The following ITGB6 variants were observed in gnomAD, a reference collection of about 807,000 sequenced individuals.
ITGB6 encodes the protein integrin subunit beta 6, also known as integrin beta-6.
In ITGB6, 80 loss-of-function variants were observed where a neutral mutation model predicts 84.5. The ratio of observed to expected loss-of-function variants is 0.95; its 90% CI spans 0.79 to 1.14. ITGB6 has a LOEUF of 1.14. ITGB6 is among the 50% of genes most tolerant of loss of function. ITGB6 has a pLI of 0.00. For missense variants in ITGB6, 1,006 were observed against 968.0 expected, an observed-to-expected ratio of 1.04 and a Z score of -0.52; for synonymous variants, 383 against 354.9, an observed-to-expected ratio of 1.08 and a Z score of -0.89.
chr2:160,191,626 A>G (rs55689933), intron 4 of ITGB6, among the ~76,000 whole-genome samples: 2,606 of 152,338 alleles, frequency 0.017, 38 homozygotes, highest in East Asian at 0.033. Flanking sequence ...GATTGTCCTC[A>G]CCTACTACAT....
chr2:160,199,266 TAGACCC>T lies in ITGB6; in HGVS notation c.62-14_62-9del. ...CTCCCAGGGCACAGCCACCTAGGTT[TAGACCC>T]AGCAAGATGCAGGGATTAAGTACAC... On this transcript the variant is annotated splice_polypyrimidine_tract_variant and intron_variant, in intron 1 of 14. Transcript: ENST00000283249. 6.2e-7 allele frequency: 1 copy of T among 1,612,042 alleles called. No homozygotes were observed. The highest frequency in any genetic ancestry group is 8.5e-7 in the Non-Finnish European group (1 of 1,178,158).
intron 3 of ITGB6, among the ~76,000 whole-genome samples, chr2:160,195,821 T>A (rs1345418784): frequency 6.6e-6 from 1 of 152,232 alleles, no homozygotes; most frequent in East Asian, 1.9e-4. Flanking sequence ...GGAGGATAAG[T>A]TAGGATATTT....
intron 13 of ITGB6, among the ~76,000 whole-genome samples, chr2:160,111,058 A>C (rs532365915): frequency 6.6e-6 from 1 of 151,936 alleles, no homozygotes; most frequent in South Asian, 2.1e-4. Flanking sequence ...TTGTGGTGCC[A>C]CTCTTATTGT....
At chr2:160,185,621 A>C (rs1307487325) in intron 4 of ITGB6, among the ~76,000 whole-genome samples, 3 of 152,260 alleles carry the variant, frequency 2.0e-5, no homozygotes, top group Non-Finnish European at 4.4e-5. Flanking sequence ...AGAAAAAACT[A>C]CTTTAAATTT....
chr2:160,114,305 C>T (rs1024002445), intron 12 of ITGB6, among the ~76,000 whole-genome samples: 1 of 152,160 alleles, frequency 6.6e-6, no homozygotes, highest in Non-Finnish European at 1.5e-5. Context: ...TTGCATAATT[C>T]GCTGCATAAT....
chr2:160,186,614 C>A (rs189908597), intron 4 of ITGB6, among the ~76,000 whole-genome samples: 1 of 152,034 alleles, frequency 6.6e-6, no homozygotes, highest in East Asian at 1.9e-4. Flanking sequence ...CCCGTTACTG[C>A]GTATATACCC....
intron 5 of ITGB6, 146 bp downstream of exon 5, chr2:160,173,828 T>C: frequency 1.5e-6 from 1 of 676,190 alleles, no homozygotes; most frequent in East Asian, 3.2e-5. Context: ...AAACATTTGG[T>C]AAAAATTGTG....
chr2:160,143,572 T>C (rs2105827027), intron 7 of ITGB6, among the ~76,000 whole-genome samples: 1 of 152,340 alleles, frequency 6.6e-6, no homozygotes, highest in South Asian at 2.1e-4. Flanking sequence ...TGTGGTCTTC[T>C]GAGTTGCTGT....
In ITGB6 at chr2:160,101,381, A is replaced by G. The variant is rs1158997779; in HGVS notation, c.*355T>C. The G allele has an allele frequency of 2.4e-5, 6 of 254,496 alleles. No homozygotes were observed. The highest frequency in any genetic ancestry group is 2.3e-4 in the Admixed American group (4 of 17,540). The allele number at this position is 254,496 out of a possible 1,614,324, so 15.8% of individuals were successfully genotyped here. A position where few individuals can be genotyped will look rare whatever the true frequency, so the allele number is the denominator to read the frequency against. Reference sequence around the variant, plus strand: ...ATATGGGCTTTGTGACTTTGCCGAGACAAAAAACTCAGGTAGCTGCATTCC... The same window carrying G: ...ATATGGGCTTTGTGACTTTGCCGAGGCAAAAAACTCAGGTAGCTGCATTCC... On this transcript the variant is annotated 3_prime_UTR_variant, in exon 15 of 15. Coordinates refer to ENST00000283249, the MANE Select transcript of ITGB6 (RefSeq NM_000888.5).
At chr2:160,113,976 G>A (rs1201006379) in intron 12 of ITGB6, among the ~76,000 whole-genome samples, 1 of 151,982 alleles carries the variant, frequency 6.6e-6, no homozygotes, top group African/African-American at 2.4e-5. Flanking sequence ...CACTCTGCTC[G>A]CCTTGAACAT....
chr2:160,179,707 T>C (rs1480994120), intron 4 of ITGB6, among the ~76,000 whole-genome samples: 1 of 151,876 alleles, frequency 6.6e-6, no homozygotes, highest in African/African-American at 2.4e-5. Context: ...CAGCATTTCA[T>C]GCTTAGTTTC....
intron 12 of ITGB6, among the ~76,000 whole-genome samples, chr2:160,113,713 T>A (rs964197070): frequency 1.3e-5 from 2 of 152,242 alleles, no homozygotes; most frequent in African/African-American, 4.8e-5. Flanking sequence ...CTTAGTGAGT[T>A]GTTTAATAAG....
At chr2:160,141,386 T>C (rs1574079106) in intron 8 of ITGB6, among the ~76,000 whole-genome samples, 1 of 152,174 alleles carries the variant, frequency 6.6e-6, no homozygotes, top group South Asian at 2.1e-4. Flanking sequence ...ACCGTAGGTA[T>C]ATATTCTAAT....
At chr2:160,195,258 A>T in intron 4 of ITGB6, 111 bp downstream of exon 4, 1 of 1,371,494 alleles carries the variant, frequency 7.3e-7, no homozygotes. Context: ...ATCCAACCAG[A>T]CAAGGCAGAA....
At chr2:160,198,275 T>C (rs1309301611) in intron 2 of ITGB6, among the ~76,000 whole-genome samples, 1 of 152,234 alleles carries the variant, frequency 6.6e-6, no homozygotes. Flanking sequence ...GCTGTGTCTG[T>C]GCTCTCTTGT....
chr2:160,195,242 G>T, intron 4 of ITGB6, 127 bp downstream of exon 4: 2 of 1,197,336 alleles, frequency 1.7e-6, no homozygotes, highest in African/African-American at 1.5e-5. Flanking sequence ...TGAGAGAACT[G>T]CTGAGATCCA....
rs1553486638 is a variant in ITGB6 at position 160,178,688 on chromosome 2, C to CTCT, written c.594-4550_594-4549insAGA. Among the ~76,000 whole-genome samples, 43 of 103,724 alleles carry CTCT rather than the reference C, an allele frequency of 4.1e-4. 1 individual carries two copies. Among genetic ancestry groups the CTCT allele is most frequent in the South Asian group, 1.5e-3 (5 of 3,436 alleles). The allele number at this position is 103,724 out of a possible 152,430, so 68.0% of individuals were successfully genotyped here. On this transcript the variant is annotated intron_variant, in intron 4 of 14. Coordinates refer to ENST00000283249, the MANE Select transcript of ITGB6 (RefSeq NM_000888.5). ...TCTATCTTTCTCTCTCTCTCTCTCT[C>CTCT]TTTTTTTTTTTTTTTTTTTTTGAGA...
At chr2:160,189,628 GA>G in intron 4 of ITGB6, among the ~76,000 whole-genome samples, 1 of 152,288 alleles carries the variant, frequency 6.6e-6, no homozygotes, top group South Asian at 2.1e-4. Flanking sequence ...GGCCATCAGA[GA>G]AATGCAAATC....
chr2:160,146,456 T>C (rs1684192605), intron 7 of ITGB6, among the ~76,000 whole-genome samples: 1 of 152,202 alleles, frequency 6.6e-6, no homozygotes, highest in Non-Finnish European at 1.5e-5. Context: ...AATATTATAT[T>C]ATTAACCAAC....
Sources: gnomAD v4.1 joint callset for allele counts (sites outside exome capture counted in the v4.1 genomes callset) on GRCh38, gnomAD v4.1.1 for gene constraint, MANE v1.5 for transcripts, NCBI Gene and HGNC (gene_info 2026-07-23, HGNC 2026-07-21) for gene names.